The following PLA2G10 variants were observed in gnomAD, a reference collection of about 807,000 sequenced individuals.
The protein encoded by PLA2G10 is phospholipase A2 group X.
In PLA2G10, 9 loss-of-function variants were observed where a neutral mutation model predicts 7.9. The ratio of observed to expected loss-of-function variants is 1.14; its 90% CI spans 0.68 to 1.98. The LOEUF (loss-of-function observed/expected upper bound fraction) is 1.98. PLA2G10 is among the 30% of genes most tolerant of loss of function. PLA2G10 has a pLI of 0.00. For synonymous variants in PLA2G10, 19 were observed against 27.5 expected, an observed-to-expected ratio of 0.69 and a Z score of 0.97; for missense variants, 53 against 65.4, an observed-to-expected ratio of 0.81 and a Z score of 0.66.
intron 3 of PLA2G10, among the ~76,000 whole-genome samples, chr16:14,673,186 A>AT (rs568630076): frequency 9.9e-4 from 148 of 149,428 alleles, no homozygotes; most frequent in South Asian, 2.3e-3. Flanking sequence ...CACCGAGCTA[A>AT]TTTTTTTTGT....
intron 3 of PLA2G10, among the ~76,000 whole-genome samples, chr16:14,685,501 T>A (rs951048134): frequency 1.3e-5 from 2 of 151,928 alleles, no homozygotes; most frequent in South Asian, 4.1e-4. Context: ...GATAGAAAAC[T>A]GGTAACCTGG....
chr16:14,679,087 C>A (rs1187665005), intron 3 of PLA2G10, among the ~76,000 whole-genome samples: 1 of 152,166 alleles, frequency 6.6e-6, no homozygotes. Flanking sequence ...TCACCCCAAC[C>A]ACTCTCAGTA....
chr16:14,675,932 C>CAAAA (rs59516741), intron 3 of PLA2G10, among the ~76,000 whole-genome samples: 7 of 46,704 alleles, frequency 1.5e-4, no homozygotes, highest in Non-Finnish European at 2.4e-4. Flanking sequence ...GAGCAAGACT[C>CAAAA]AAAAAAAAAA....
intron 3 of PLA2G10, among the ~76,000 whole-genome samples, chr16:14,677,841 TGATGGATG>T (rs1322615059): frequency 7.5e-6 from 1 of 132,474 alleles, no homozygotes; most frequent in Non-Finnish European, 1.6e-5. Context: ...GATGGATGGG[TGATGGATG>T]GATAGATGGA....
At chr16:14,682,022 TG>T (rs879557426) in intron 3 of PLA2G10, among the ~76,000 whole-genome samples, 41 of 152,038 alleles carry the variant, frequency 2.7e-4, no homozygotes, top group African/African-American at 7.5e-4. Flanking sequence ...TTTGTAGAGA[TG>T]GGGTCTCTCT....
chr16:14,676,079 C>G (rs1245676254), intron 3 of PLA2G10, among the ~76,000 whole-genome samples: 1 of 152,130 alleles, frequency 6.6e-6, no homozygotes, highest in Non-Finnish European at 1.5e-5. Flanking sequence ...CTACCTTACC[C>G]CAGCCAGAAT....
intron 3 of PLA2G10, among the ~76,000 whole-genome samples, chr16:14,678,065 TC>T (rs1320597346): frequency 6.6e-6 from 1 of 152,136 alleles, no homozygotes; most frequent in African/African-American, 2.4e-5. Flanking sequence ...CTGTAAGCTT[TC>T]CATGGGCTGC....
chr16:14,685,415 T>C (rs1469596506), intron 3 of PLA2G10, among the ~76,000 whole-genome samples: 7 of 150,496 alleles, frequency 4.7e-5, no homozygotes, highest in African/African-American at 1.5e-4. Flanking sequence ...CTCAAAAACA[T>C]TATACTAAGT....
intron 3 of PLA2G10, among the ~76,000 whole-genome samples, chr16:14,685,081 A>G (rs1170569690): frequency 6.6e-6 from 1 of 152,164 alleles, no homozygotes; most frequent in African/African-American, 2.4e-5. Flanking sequence ...TATTAATACA[A>G]CATGAACAGG....
At chr16:14,673,884 G>A (rs1960656477) in intron 3 of PLA2G10, among the ~76,000 whole-genome samples, 1 of 152,038 alleles carries the variant, frequency 6.6e-6, no homozygotes, top group Non-Finnish European at 1.5e-5. Flanking sequence ...GGAAGTCCTA[G>A]CCAGAGCAGT....
chr16:14,679,916 AC>A (rs1960841420), intron 3 of PLA2G10, among the ~76,000 whole-genome samples: 1 of 151,884 alleles, frequency 6.6e-6, no homozygotes, highest in African/African-American at 2.4e-5. Flanking sequence ...CCCAGCAACC[AC>A]TAGTCTACTT....
At chr16:14,686,967 G>A (rs1041824736) in intron 3 of PLA2G10, among the ~76,000 whole-genome samples, 3 of 151,976 alleles carry the variant, frequency 2.0e-5, no homozygotes, top group African/African-American at 7.2e-5. Flanking sequence ...TATTAGCCAG[G>A]TGTAGTGGCA....
Position 14,680,829 on chromosome 16 carries a change from G to A in PLA2G10, c.355+7336C>T, listed in dbSNP as rs564834443. The stretch of plus-strand genomic sequence containing the variant: ...TTGCCCAAAACCTAGCATGGAGCCC[G>A]GCAGAGTAGACTCACAGTAATATTT... On this transcript the variant is annotated intron_variant, in intron 3 of 3. Coordinates refer to ENST00000438167, the MANE Select transcript of PLA2G10 (RefSeq NM_003561.3). Among the ~76,000 whole-genome samples the A allele has an allele frequency of 2.6e-4, 39 of 152,084 alleles. No individual in the cohort carries two copies. In the Middle Eastern group the frequency reaches 0.01, roughly 40 times the overall value.
intron 3 of PLA2G10, among the ~76,000 whole-genome samples, chr16:14,686,396 G>T (rs1040192944): frequency 6.6e-6 from 1 of 152,118 alleles, no homozygotes; most frequent in African/African-American, 2.4e-5. Flanking sequence ...AGCCTTATCT[G>T]CATTCTCCCT....
chr16:14,701,547 G>A, the PLA2G10 span, among the ~76,000 whole-genome samples: 13 of 842 alleles, frequency 0.015, no homozygotes, highest in Non-Finnish European at 0.052. Context: ...GGGCATAGGG[G>A]GAGACTCTGT....
rs201828163 is a variant in PLA2G10, at chr16:14,687,118, CA to C, written c.355+1046del. On this transcript the variant is annotated intron_variant, in intron 3 of 3. Transcript: ENST00000438167. ...AGTAAAACTCTGTCTCAAAAAAAAA[CA>C]AAAAAAAATCAAAAAACAAACAAAC... Among the ~76,000 whole-genome samples the C allele has an allele frequency of 4.1e-5, 6 of 147,838 alleles. No individual in the cohort carries two copies. The East Asian group carries it at 6.0e-4, about 15-fold the overall frequency.
At chr16:14,693,357 T>C (rs866981317) in intron 1 of PLA2G10, among the ~76,000 whole-genome samples, 1 of 32,464 alleles carries the variant, frequency 3.1e-5, no homozygotes. Context: ...GTGTACACGG[T>C]GCATCTGAAT....
intron 3 of PLA2G10, among the ~76,000 whole-genome samples, chr16:14,673,533 C>A (rs1297475893): frequency 1.3e-5 from 2 of 151,774 alleles, no homozygotes. Context: ...CCATGCCCAG[C>A]TAATTTTTGT....
intron 3 of PLA2G10, among the ~76,000 whole-genome samples, chr16:14,678,985 G>A (rs1293252369): frequency 6.6e-6 from 1 of 151,686 alleles, no homozygotes; most frequent in African/African-American, 2.4e-5. Flanking sequence ...CGTACCCCAG[G>A]GCCCTTGCAC....
Sources: gnomAD v4.1 joint callset for allele counts (sites outside exome capture counted in the v4.1 genomes callset) on GRCh38, gnomAD v4.1.1 for gene constraint, MANE v1.5 for transcripts, NCBI Gene and HGNC (gene_info 2026-07-23, HGNC 2026-07-21) for gene names.